The following FNBP1 variants were observed in gnomAD, a reference collection of about 807,000 sequenced individuals.
The protein encoded by FNBP1 is formin-binding protein 1.
In FNBP1, 26 loss-of-function variants were observed where a neutral mutation model predicts 90.6. The ratio of observed to expected loss-of-function variants is 0.29; its 90% CI spans 0.21 to 0.40. The LOEUF is 0.40. Ranked by LOEUF, FNBP1 falls within the 10% of genes least tolerant of loss-of-function variation. The pLI is 1.00. For synonymous variants in FNBP1, 260 were observed against 265.2 expected (o/e 0.98, Z 0.19); for missense variants, 635 against 768.0 (o/e 0.83, Z 2.05).
chr9:129,969,417 T>A (rs1413201741), intron 4 of FNBP1, among the ~76,000 whole-genome samples: 1 of 152,176 alleles, frequency 6.6e-6, no homozygotes, highest in African/African-American at 2.4e-5. Context: ...GCTTTGGAAG[T>A]AAAGAGTTTA....
intron 6 of FNBP1, among the ~76,000 whole-genome samples, chr9:129,955,175 T>G (rs1588848982): frequency 6.6e-6 from 1 of 151,950 alleles, no homozygotes; most frequent in East Asian, 1.9e-4. Flanking sequence ...CTATCATTAC[T>G]TGCTGCTGAT....
chr9:129,910,616 A>G (rs767202830), intron 11 of FNBP1, among the ~76,000 whole-genome samples: 29 of 151,950 alleles, frequency 1.9e-4, no homozygotes, highest in Non-Finnish European at 3.7e-4. Flanking sequence ...GGCTTGGGGC[A>G]GGGTAGAAAG....
chr9:130,008,762 C>T, intron 1 of FNBP1, among the ~76,000 whole-genome samples: 1 of 152,136 alleles, frequency 6.6e-6, no homozygotes, highest in Non-Finnish European at 1.5e-5. Flanking sequence ...TGCAAAGGTT[C>T]AACCAGCTTC....
Position 129,903,018 on chromosome 9 carries a change from G to C in FNBP1, c.1296-17C>G, listed in dbSNP as rs376194064. Reference sequence around the variant, plus strand: ...ATGGCATCTCTGAAAGAAAGAACGAGTAGAATGCTGTAAAGGTTACTCCAT... The same window carrying C: ...ATGGCATCTCTGAAAGAAAGAACGACTAGAATGCTGTAAAGGTTACTCCAT... On this transcript the variant is annotated splice_polypyrimidine_tract_variant and intron_variant, in intron 12 of 16. Transcript: ENST00000446176. 8 of 1,555,786 alleles carry C rather than the reference G, an allele frequency of 5.1e-6. No individual in the cohort carries two copies. The highest frequency in any genetic ancestry group is 7.0e-6 in the Non-Finnish European group (8 of 1,148,994).
intron 6 of FNBP1, among the ~76,000 whole-genome samples, chr9:129,941,519 G>A (rs1324836075): frequency 6.6e-6 from 1 of 152,174 alleles, no homozygotes; most frequent in African/African-American, 2.4e-5. Flanking sequence ...AGGATGGAGT[G>A]CAGTGGTATG....
chr9:130,045,794 G>T (rs1007379938), upstream of FNBP1, among the ~76,000 whole-genome samples: 1 of 152,176 alleles, frequency 6.6e-6, no homozygotes, highest in African/African-American at 2.4e-5. Context: ...TAAGCCAGCA[G>T]AAAAAAGGCT....
intron 6 of FNBP1, among the ~76,000 whole-genome samples, chr9:129,947,664 C>T (rs563868141): frequency 1.3e-5 from 2 of 151,172 alleles, no homozygotes; most frequent in African/African-American, 4.8e-5. Context: ...CTCTTGCTGC[C>T]CAGGCTGGAG....
At chr9:129,955,136 A>G (rs969902686) in intron 6 of FNBP1, among the ~76,000 whole-genome samples, 1 of 152,212 alleles carries the variant, frequency 6.6e-6, no homozygotes, top group Admixed American at 6.6e-5. Flanking sequence ...AAATTAACAA[A>G]AGGCATGAAG....
chr9:129,967,673 C>T (rs1015107450), intron 4 of FNBP1, among the ~76,000 whole-genome samples: 9 of 151,976 alleles, frequency 5.9e-5, no homozygotes, highest in African/African-American at 2.2e-4. Flanking sequence ...AACAGGTGGC[C>T]GAACAAGAAT....
the FNBP1 span, among the ~76,000 whole-genome samples, chr9:130,049,879 T>C: frequency 6.6e-6 from 1 of 152,100 alleles, no homozygotes; most frequent in South Asian, 2.1e-4. Flanking sequence ...GTGTGTTTTG[T>C]GTTTTGTTTT....
intron 1 of FNBP1, among the ~76,000 whole-genome samples, chr9:130,025,385 A>G (rs1432395751): frequency 1.3e-5 from 2 of 152,194 alleles, no homozygotes; most frequent in East Asian, 3.8e-4. Context: ...AAAATTTCTA[A>G]GTAAAGTTTC....
At chr9:129,936,425 A>G (rs537728545) in intron 6 of FNBP1, 1 of 152,404 alleles carries the variant, frequency 6.6e-6, no homozygotes, top group African/African-American at 2.4e-5. Context: ...GCGGCCACCC[A>G]GAGGCTGGGG....
upstream of FNBP1, chr9:130,043,313 C>T (rs1037249316): frequency 2.6e-4 from 51 of 192,848 alleles, no homozygotes; most frequent in Middle Eastern, 3.4e-3. Flanking sequence ...CCCCCTCCCC[C>T]GGGCTCCCCC....
At chr9:129,923,493 C>A (rs1348220355) in intron 10 of FNBP1, among the ~76,000 whole-genome samples, 2 of 150,992 alleles carry the variant, frequency 1.3e-5, no homozygotes, top group African/African-American at 4.9e-5. Context: ...GCAGGAGAAT[C>A]GCTTAAACCC....
chr9:129,902,985 T>C lies in FNBP1; in HGVS notation c.1312A>G (p.Met438Val). The change falls in exon 13 of 17, where the codon ATG (methionine) becomes GTG (valine). Residue 438 changes from methionine to valine, a missense_variant. Coordinates refer to ENST00000446176, the MANE Select transcript of FNBP1 (RefSeq NM_015033.3). ...GGATTCTTTAGGTAGACATCTTTCATTTTTGTTATGGCATCTCTGAAAGAA... is the reference window on the plus strand; with the variant it reads ...GGATTCTTTAGGTAGACATCTTTCACTTTTGTTATGGCATCTCTGAAAGAA... The part of the protein sequence containing the change: ...EMDQRDAITK[M>V]KDVYLKNPQM... 1 of 1,584,314 alleles carries C rather than the reference T, an allele frequency of 6.3e-7. No homozygotes were observed.
At chr9:129,951,427 T>C (rs1365946623) in intron 6 of FNBP1, among the ~76,000 whole-genome samples, 1 of 142,836 alleles carries the variant, frequency 7.0e-6, no homozygotes. Context: ...TCTATTTATT[T>C]ATTTATTTAT....
chr9:130,001,047 T>C (rs1482950304), intron 1 of FNBP1, among the ~76,000 whole-genome samples: 1 of 152,156 alleles, frequency 6.6e-6, no homozygotes, highest in Non-Finnish European at 1.5e-5. Context: ...AAACAGCTAA[T>C]GGTGGGCTGG....
rs1231225432 is a variant in FNBP1, at chr9:129,891,654, G to C, written c.1847-1108C>G. Among the ~76,000 whole-genome samples, 9 of 152,128 alleles carry C rather than the reference G, an allele frequency of 5.9e-5. No homozygotes were observed. The East Asian group carries it at 1.7e-3, about 29-fold the overall frequency. On this transcript the variant is annotated intron_variant, in intron 16 of 16. Coordinates refer to ENST00000446176, the MANE Select transcript of FNBP1 (RefSeq NM_015033.3). ...CGTGAAAAGCTCTTCATCTCAAGGAGAGAGAAAAGAAACAAAAGAAACACA... is the reference window on the plus strand; with the variant it reads ...CGTGAAAAGCTCTTCATCTCAAGGACAGAGAAAAGAAACAAAAGAAACACA...
intron 1 of FNBP1, among the ~76,000 whole-genome samples, chr9:130,007,449 G>A (rs967325149): frequency 6.6e-6 from 1 of 152,052 alleles, no homozygotes; most frequent in African/African-American, 2.4e-5. Flanking sequence ...AATGTGTTCT[G>A]AAATGAAGAG....
Sources: allele counts gnomAD v4.1 joint callset (sites outside exome capture counted in the v4.1 genomes callset), GRCh38; gene constraint gnomAD v4.1.1; transcripts MANE v1.5; gene names NCBI Gene and HGNC (gene_info 2026-07-23, HGNC 2026-07-21).